Variants in SERPINA12 observed in about 807,000 individuals in gnomAD.
SERPINA12 encodes the protein serpin A12.
In SERPINA12, 21 loss-of-function variants were observed where a neutral mutation model predicts 25.9. The ratio of observed to expected loss-of-function variants is 0.81; its 90% CI spans 0.58 to 1.17. The LOEUF (loss-of-function observed/expected upper bound fraction) is 1.17. SERPINA12 is among the 50% of genes most tolerant of loss of function. The pLI is 0.00. For missense variants in SERPINA12, 562 were observed against 508.3 expected (o/e 1.11, Z -1.02); for synonymous variants, 220 against 196.0 (o/e 1.12, Z -1.02).
intron 1 of SERPINA12, among the ~76,000 whole-genome samples, chr14:94,506,968 G>C (rs771223794): frequency 6.6e-6 from 1 of 152,198 alleles, no homozygotes; most frequent in Non-Finnish European, 1.5e-5. Flanking sequence ...CTGACCAATG[G>C]AACAGACTAG....
chr14:94,514,289 G>A (rs1387348853), upstream of SERPINA12, among the ~76,000 whole-genome samples: 2 of 152,238 alleles, frequency 1.3e-5, no homozygotes, highest in Non-Finnish European at 2.9e-5. Flanking sequence ...CCACCAGTGT[G>A]TCCACACCCA....
intron 1 of SERPINA12, 142 bp from the exon 2 acceptor site, chr14:94,498,572 T>A: frequency 1.5e-6 from 1 of 650,044 alleles, no homozygotes; most frequent in Non-Finnish European, 2.6e-6. Flanking sequence ...TTATAGCATT[T>A]AAACTTTATA....
chr14:94,498,056 C>T lies in SERPINA12; in HGVS notation c.342G>A (p.Glu114=), dbSNP rs759054750. 109 of 1,614,032 alleles carry T rather than the reference C, an allele frequency of 6.8e-5. No individual in the cohort carries two copies. The highest frequency in any genetic ancestry group is 9.2e-5 in the Non-Finnish European group (108 of 1,180,046). The part of the protein sequence containing the change: ...FRKMPEKDLH[E]GFHYIIHELT... ...GCTCGTGGATGATGTAATGGAAGCC[C>T]TCATGAAGATCTTTTTCTGGCATCT... Residue 114 remains glutamate, a synonymous_variant, in exon 2 of 5, where the codon GAG becomes GAA. Coordinates refer to ENST00000677451, the MANE Select transcript of SERPINA12 (RefSeq NM_001382267.1).
chr14:94,504,021 T>C (rs1900842433), intron 1 of SERPINA12: 1 of 152,224 alleles, frequency 6.6e-6, no homozygotes, highest in Non-Finnish European at 1.5e-5. Flanking sequence ...AATTTTCCTT[T>C]CATACACCCA....
Position 94,496,376 on chromosome 14 carries a change from C to G in SERPINA12, c.902G>C (p.Arg301Pro). The G allele has an allele frequency of 6.2e-7, 1 of 1,614,134 alleles. No individual in the cohort carries two copies. Residue 301 changes from arginine (R) to proline (P), a missense_variant, in exon 3 of 5, where the codon CGC (arginine) becomes CCC (proline). By Grantham distance (103) the Arg-to-Pro change is moderately radical. Coordinates refer to ENST00000677451, the MANE Select transcript of SERPINA12 (RefSeq NM_001382267.1). ...TFSRWKTLLS[R>P]RVVDVSVPRL... is the part of the protein sequence containing the mutation. ...GAGGGCTAGGCACCCACTTTACCTGCGTGACAGTAATGTTTTCCATCTGGA... is the reference window on the plus strand; with the variant it reads ...GAGGGCTAGGCACCCACTTTACCTGGGTGACAGTAATGTTTTCCATCTGGA...
chr14:94,512,062 C>A (rs1278267094), upstream of SERPINA12, among the ~76,000 whole-genome samples: 2 of 152,148 alleles, frequency 1.3e-5, no homozygotes, highest in African/African-American at 4.8e-5. Flanking sequence ...TGCACCACTG[C>A]ACTTCAGCCT....
chr14:94,498,863 A>C (rs1900588167), intron 1 of SERPINA12, among the ~76,000 whole-genome samples: 1 of 152,222 alleles, frequency 6.6e-6, no homozygotes, highest in Admixed American at 6.5e-5. Context: ...AAGGGAATGC[A>C]AAACCCCCTA....
chr14:94,496,703 C>A, intron 2 of SERPINA12, 60 bp from the exon 3 acceptor site: 1 of 1,420,500 alleles, frequency 7.0e-7, no homozygotes, highest in South Asian at 1.2e-5. Flanking sequence ...TGACTAAATC[C>A]AACTAACCAG....
chr14:94,499,381 A>G (rs116094872), intron 1 of SERPINA12, among the ~76,000 whole-genome samples: 3,129 of 152,298 alleles, frequency 0.021, 44 homozygotes, highest in Middle Eastern at 0.037. Context: ...CTGGGAGACA[A>G]GACTTTTAGC....
At chr14:94,495,222 C>T (rs1900360643) in intron 3 of SERPINA12, among the ~76,000 whole-genome samples, 1 of 151,230 alleles carries the variant, frequency 6.6e-6, no homozygotes, top group South Asian at 2.1e-4. Flanking sequence ...GCGCCCGCCA[C>T]TACGCCCGGC....
At chr14:94,509,865 T>C (rs1856443342), upstream of SERPINA12, 2 of 522,518 alleles carry the variant, frequency 3.8e-6, no homozygotes, top group Non-Finnish European at 4.9e-6. Context: ...GTGATCATCT[T>C]TGAGCAGAAT....
intron 1 of SERPINA12, among the ~76,000 whole-genome samples, chr14:94,516,442 G>C (rs771018685): frequency 2.6e-5 from 4 of 152,204 alleles, no homozygotes; most frequent in Non-Finnish European, 4.4e-5. Context: ...CTGAGACCTG[G>C]AGAACTGAAG....
At chr14:94,509,618 C>G (rs576086015), upstream of SERPINA12, among the ~76,000 whole-genome samples, 1 of 152,178 alleles carries the variant, frequency 6.6e-6, no homozygotes, top group Admixed American at 6.5e-5. Context: ...GAGAGCAATG[C>G]GTCTGGGAGT....
chr14:94,510,190 A>T, upstream of SERPINA12: 1 of 985,392 alleles, frequency 1.0e-6, no homozygotes, highest in Non-Finnish European at 1.2e-6. Flanking sequence ...ACTGCATTGG[A>T]TCTGTGGTTG....
intron 3 of SERPINA12, among the ~76,000 whole-genome samples, chr14:94,493,910 A>G (rs1283683527): frequency 1.3e-5 from 2 of 152,188 alleles, no homozygotes; most frequent in Non-Finnish European, 2.9e-5. Flanking sequence ...TGGTGGCCTG[A>G]TGGTGGTCAC....
chr14:94,516,662 C>T (rs1330917763), intron 1 of SERPINA12, among the ~76,000 whole-genome samples: 2 of 152,210 alleles, frequency 1.3e-5, no homozygotes, highest in African/African-American at 4.8e-5. Flanking sequence ...CGTCACTACA[C>T]TGACACACCT....
chr14:94,491,252 A>G (rs1595685378), intron 3 of SERPINA12, among the ~76,000 whole-genome samples: 1 of 152,252 alleles, frequency 6.6e-6, no homozygotes, highest in East Asian at 1.9e-4. Context: ...ACATACATGT[A>G]CTAGCGGTAT....
chr14:94,501,120 G>T (rs1474258285), intron 1 of SERPINA12: 2 of 985,182 alleles, frequency 2.0e-6, no homozygotes, highest in Non-Finnish European at 2.4e-6. Context: ...TCCCAAGAAT[G>T]CTTCAGATAA....
intron 1 of SERPINA12, among the ~76,000 whole-genome samples, chr14:94,509,092 T>G (rs1901033160): frequency 6.6e-6 from 1 of 152,102 alleles, no homozygotes; most frequent in Admixed American, 6.5e-5. Flanking sequence ...TTTCCATGGA[T>G]AGCTTTCTGG....
Sources: gnomAD v4.1 joint callset for allele counts (sites outside exome capture counted in the v4.1 genomes callset) on GRCh38, gnomAD v4.1.1 for gene constraint, MANE v1.5 for transcripts, NCBI Gene and HGNC (gene_info 2026-07-23, HGNC 2026-07-21) for gene names.